SLC9A9: variants seen among roughly 807,000 people sequenced by gnomAD.
The protein encoded by SLC9A9 is sodium/hydrogen exchanger 9.
In SLC9A9, 62 loss-of-function variants were observed where a neutral mutation model predicts 77.8. That is an observed-to-expected ratio of 0.80 (90% CI 0.65 to 0.98). SLC9A9 has a LOEUF of 0.98. SLC9A9 is among the 50% of genes least tolerant of loss of function. The probability of loss-of-function intolerance (pLI) is 0.00; values close to 1 mark genes in which losing one functional copy is unlikely to be tolerated. For missense variants in SLC9A9, 775 were observed against 774.9 expected (o/e 1.00, Z 0.00); for synonymous variants, 320 against 283.5 (o/e 1.13, Z -1.29).
intron 12 of SLC9A9, among the ~76,000 whole-genome samples, chr3:143,409,228 C>T (rs528971493): frequency 2.6e-4 from 39 of 152,286 alleles, no homozygotes; most frequent in African/African-American, 8.9e-4. Context: ...GTGTAATATC[C>T]TTCTATTTAT....
chr3:143,594,104 T>C (rs932826448), intron 6 of SLC9A9, among the ~76,000 whole-genome samples: 4 of 152,172 alleles, frequency 2.6e-5, no homozygotes, highest in African/African-American at 4.8e-5. Flanking sequence ...AAGAGCTTAA[T>C]TGGTAAGTTC....
chr3:143,304,771 A>ACACCC (rs1443796507), intron 14 of SLC9A9, among the ~76,000 whole-genome samples: 7 of 152,342 alleles, frequency 4.6e-5, no homozygotes, highest in Non-Finnish European at 7.3e-5. Context: ...GGCTGGTTTA[A>ACACCC]CACCCTCCCA....
chr3:143,697,130 TATA>T (rs1412466928), intron 4 of SLC9A9, among the ~76,000 whole-genome samples: 1 of 151,604 alleles, frequency 6.6e-6, no homozygotes, highest in African/African-American at 2.4e-5. Flanking sequence ...TAAAACTGTA[TATA>T]ATAATATATA....
intron 4 of SLC9A9, among the ~76,000 whole-genome samples, chr3:143,781,230 A>G (rs1396189044): frequency 1.3e-5 from 2 of 152,236 alleles, no homozygotes; most frequent in Non-Finnish European, 2.9e-5. Flanking sequence ...GTAAATTAAC[A>G]AAATATTCTA....
chr3:143,448,376 A>G (rs753330987), intron 12 of SLC9A9, among the ~76,000 whole-genome samples: 2 of 152,292 alleles, frequency 1.3e-5, no homozygotes, highest in South Asian at 4.1e-4. Context: ...GTCAAGTACT[A>G]GCAAAGACAA....
intron 5 of SLC9A9, among the ~76,000 whole-genome samples, chr3:143,661,634 T>C (rs1450881114): frequency 6.6e-6 from 1 of 152,196 alleles, no homozygotes; most frequent in Non-Finnish European, 1.5e-5. Flanking sequence ...TCTCACTCTG[T>C]AAACTTGACT....
chr3:143,729,179 GA>G (rs1284004603), intron 4 of SLC9A9, among the ~76,000 whole-genome samples: 1 of 152,052 alleles, frequency 6.6e-6, no homozygotes, highest in African/African-American at 2.4e-5. Flanking sequence ...ACTCCCTAAG[GA>G]AGCCTTCTTT....
intron 7 of SLC9A9, 21 bp from the exon 8 acceptor site, chr3:143,574,214 G>T: frequency 6.3e-7 from 1 of 1,588,742 alleles, no homozygotes; most frequent in South Asian, 1.1e-5. Context: ...TAAGTTAAGG[G>T]AAACAACAAC....
intron 14 of SLC9A9, chr3:143,343,543 T>C (rs566492859): frequency 6.6e-6 from 1 of 152,278 alleles, no homozygotes; most frequent in East Asian, 1.9e-4. Context: ...GAGAGAAAAC[T>C]GCAGGAGTCC....
At chr3:143,834,833 A>T (rs1237138599) in intron 1 of SLC9A9, among the ~76,000 whole-genome samples, 5 of 152,136 alleles carry the variant, frequency 3.3e-5, no homozygotes, top group Non-Finnish European at 5.9e-5. Flanking sequence ...ATTGTGGCAG[A>T]GGTGACCAGA....
intron 12 of SLC9A9, among the ~76,000 whole-genome samples, chr3:143,420,297 T>C (rs888937962): frequency 6.6e-6 from 1 of 152,204 alleles, no homozygotes; most frequent in African/African-American, 2.4e-5. Flanking sequence ...AACAATGAGT[T>C]TGTAAAGTTC....
At chr3:143,534,908 A>G (rs1385904406) in intron 9 of SLC9A9, among the ~76,000 whole-genome samples, 2 of 152,118 alleles carry the variant, frequency 1.3e-5, no homozygotes, top group Non-Finnish European at 2.9e-5. Context: ...AAAAACAGTC[A>G]CTTTTTTGTA....
intron 14 of SLC9A9, among the ~76,000 whole-genome samples, chr3:143,275,108 G>T (rs1206433989): frequency 6.6e-6 from 1 of 152,170 alleles, no homozygotes; most frequent in Non-Finnish European, 1.5e-5. Context: ...CTGAGGTCTT[G>T]TATGTTGATA....
At chr3:143,648,117 C>G (rs1201321979) in intron 6 of SLC9A9, among the ~76,000 whole-genome samples, 1 of 98,128 alleles carries the variant, frequency 1.0e-5, no homozygotes, top group Non-Finnish European at 2.3e-5. Flanking sequence ...AGGGCCTTTA[C>G]AACCATATTA....
At chr3:143,283,997 G>A (rs1157019124) in intron 14 of SLC9A9, among the ~76,000 whole-genome samples, 1 of 151,282 alleles carries the variant, frequency 6.6e-6, no homozygotes, top group East Asian at 1.9e-4. Context: ...TAATGTTTTG[G>A]TAGTTTGTTG....
At chr3:143,603,302 C>A (rs2037873082) in intron 6 of SLC9A9, among the ~76,000 whole-genome samples, 1 of 152,196 alleles carries the variant, frequency 6.6e-6, no homozygotes, top group Non-Finnish European at 1.5e-5. Flanking sequence ...TGGTAGGCAG[C>A]CTTCAAGATG....
intron 9 of SLC9A9, among the ~76,000 whole-genome samples, chr3:143,533,727 C>T (rs1353442852): frequency 6.6e-6 from 1 of 152,122 alleles, no homozygotes; most frequent in Non-Finnish European, 1.5e-5. Context: ...GCCATTGTTG[C>T]AAATGCCTCT....
intron 12 of SLC9A9, among the ~76,000 whole-genome samples, chr3:143,418,362 T>G (rs951829222): frequency 3.3e-5 from 5 of 152,104 alleles, no homozygotes; most frequent in African/African-American, 1.2e-4. Flanking sequence ...GTAAACAGTG[T>G]TGGCTCTTTT....
chr3:143,403,393 T>C (rs558060997), intron 12 of SLC9A9, among the ~76,000 whole-genome samples: 61 of 152,266 alleles, frequency 4.0e-4, no homozygotes, highest in African/African-American at 1.4e-3. Context: ...AGAAAGGAGA[T>C]ACAATATGTA....
Sources: gnomAD v4.1 joint callset for allele counts (sites outside exome capture counted in the v4.1 genomes callset) on GRCh38, gnomAD v4.1.1 for gene constraint, MANE v1.5 for transcripts, NCBI Gene and HGNC (gene_info 2026-07-23, HGNC 2026-07-21) for gene names.